The following INPP4B variants were observed in gnomAD, a reference collection of about 807,000 sequenced individuals.
The protein encoded by INPP4B is inositol polyphosphate 4-phosphatase type II.
In INPP4B, 55 loss-of-function variants were observed where a neutral mutation model predicts 122.5. The ratio of observed to expected loss-of-function variants is 0.45; its 90% CI spans 0.36 to 0.56. The LOEUF (loss-of-function observed/expected upper bound fraction) is 0.56, where lower values mean the gene tolerates loss of function less well. Among genes scored for constraint, INPP4B ranks in the 20% least tolerant of loss-of-function variants. INPP4B has a pLI of 0.00. For missense variants in INPP4B, 1,000 were observed against 1,097.7 expected (o/e 0.91, Z 1.26); for synonymous variants, 403 against 388.7 (o/e 1.04, Z -0.43).
intron 9 of INPP4B, among the ~76,000 whole-genome samples, chr4:142,275,808 G>A (rs187439028): frequency 2.6e-5 from 4 of 151,660 alleles, no homozygotes; most frequent in Admixed American, 2.0e-4. Flanking sequence ...TCTCAGTATA[G>A]GCTCACCTTC....
At chr4:142,617,604 T>C (rs1383610510) in intron 2 of INPP4B, among the ~76,000 whole-genome samples, 2 of 152,070 alleles carry the variant, frequency 1.3e-5, no homozygotes, top group African/African-American at 2.4e-5. Context: ...ATTAATTTCA[T>C]AAAGGTTAGC....
chr4:142,264,064 G>A (rs1172147215), intron 10 of INPP4B, among the ~76,000 whole-genome samples: 1 of 152,058 alleles, frequency 6.6e-6, no homozygotes, highest in Non-Finnish European at 1.5e-5. Flanking sequence ...GAAGGGCTTT[G>A]AGTTTATACT....
chr4:142,030,914 C>T (rs1188435439), intron 25 of INPP4B, among the ~76,000 whole-genome samples: 1 of 152,112 alleles, frequency 6.6e-6, no homozygotes, highest in Non-Finnish European at 1.5e-5. Context: ...GTTAGTTCAG[C>T]TCATAAATTA....
chr4:142,831,344 T>C (rs555002188), intron 1 of INPP4B, among the ~76,000 whole-genome samples: 185 of 152,316 alleles, frequency 1.2e-3, no homozygotes, highest in African/African-American at 4.3e-3. Flanking sequence ...CTTTAGTGGC[T>C]CTATTTGACT....
chr4:142,497,101 T>C (rs1822682253), intron 2 of INPP4B, among the ~76,000 whole-genome samples: 1 of 152,170 alleles, frequency 6.6e-6, no homozygotes. Context: ...CTGCATCACA[T>C]TGGCTCTCAT....
Position 142,727,747 on chromosome 4 carries a change from G to A in INPP4B, c.-253-1846C>T, listed in dbSNP as rs191555743. 2.4e-3 allele frequency among the ~76,000 whole-genome samples: 372 copies of A among 152,146 alleles called. 1 individual carries two copies. The highest frequency in any genetic ancestry group is 8.5e-3 in the African/African-American group (354 of 41,522). The stretch of plus-strand genomic sequence containing the variant: ...ACAAAAATTAGCCAGGTGTGGTGGT[G>A]CATACCTGTAGTCCTAGCTATTCGA... On this transcript the variant is annotated intron_variant, in intron 1 of 25. Transcript: ENST00000262992.
intron 2 of INPP4B, among the ~76,000 whole-genome samples, chr4:142,656,558 G>A (rs947268468): frequency 6.6e-6 from 1 of 152,114 alleles, no homozygotes; most frequent in Admixed American, 6.5e-5. Context: ...GGGCTAGGAT[G>A]CATGGCCTAA....
At chr4:142,472,162 T>C (rs1818950262) in intron 2 of INPP4B, among the ~76,000 whole-genome samples, 1 of 152,126 alleles carries the variant, frequency 6.6e-6, no homozygotes, top group Non-Finnish European at 1.5e-5. Flanking sequence ...CTTAAATTCT[T>C]TGGAAAAGTA....
At chr4:142,028,985 A>G in intron 25 of INPP4B, 71 bp from the exon 26 acceptor site, 4 of 1,519,902 alleles carry the variant, frequency 2.6e-6, no homozygotes, top group South Asian at 1.3e-5. Flanking sequence ...TGTTTAATGC[A>G]GAGTTGCAGC....
intron 7 of INPP4B, among the ~76,000 whole-genome samples, chr4:142,368,423 A>G (rs1788402265): frequency 6.6e-6 from 1 of 152,134 alleles, no homozygotes; most frequent in Non-Finnish European, 1.5e-5. Context: ...CAGTCATTAA[A>G]TATTAATAAT....
At chr4:142,146,046 A>T (rs1345903702) in intron 17 of INPP4B, 50 bp from the exon 18 acceptor site, 1 of 1,573,256 alleles carries the variant, frequency 6.4e-7, no homozygotes, top group East Asian at 2.3e-5. Flanking sequence ...AAAACAAGAT[A>T]AGGCAAAGTC....
chr4:142,599,872 C>T (rs1284218042), intron 2 of INPP4B, among the ~76,000 whole-genome samples: 1 of 151,554 alleles, frequency 6.6e-6, no homozygotes, highest in Non-Finnish European at 1.5e-5. Flanking sequence ...TGAAGAATTC[C>T]TTTAATGAAA....
intron 1 of INPP4B, among the ~76,000 whole-genome samples, chr4:142,749,364 TA>T (rs745306532): frequency 4.0e-5 from 6 of 149,708 alleles, no homozygotes; most frequent in Non-Finnish European, 5.9e-5. Context: ...ACGTGTTCTT[TA>T]AAAAACAAAG....
intron 1 of INPP4B, among the ~76,000 whole-genome samples, chr4:142,760,035 T>A (rs77173895): frequency 0.09 from 13,658 of 151,898 alleles, 770 homozygotes; most frequent in African/African-American, 0.16. Flanking sequence ...AAACCAGAAA[T>A]TCTATTTGTT....
At chr4:142,124,505 C>A in intron 19 of INPP4B, 83 bp downstream of exon 19, 2 of 1,248,286 alleles carry the variant, frequency 1.6e-6, no homozygotes, top group Non-Finnish European at 2.3e-6. Flanking sequence ...AAAGCTGTCC[C>A]AATAAGAATT....
chr4:142,573,244 T>C (rs564826916), intron 2 of INPP4B, among the ~76,000 whole-genome samples: 3 of 152,096 alleles, frequency 2.0e-5, no homozygotes, highest in Non-Finnish European at 2.9e-5. Flanking sequence ...ATCCATTCAC[T>C]TCCCACCGGG....
chr4:142,318,082 C>T (rs1044522914), intron 7 of INPP4B, among the ~76,000 whole-genome samples: 6 of 152,154 alleles, frequency 3.9e-5, no homozygotes, highest in Admixed American at 3.3e-4. Flanking sequence ...CCTCTTCATG[C>T]CAGTTGCCTT....
At chr4:142,306,871 T>C (rs140710661) in intron 8 of INPP4B, among the ~76,000 whole-genome samples, 153 of 152,046 alleles carry the variant, frequency 1.0e-3, no homozygotes, top group African/African-American at 3.5e-3. Flanking sequence ...TGAGACCTCA[T>C]TTCTAAAAAA....
At chr4:142,565,639 T>C (rs1245101009) in intron 2 of INPP4B, among the ~76,000 whole-genome samples, 1 of 152,166 alleles carries the variant, frequency 6.6e-6, no homozygotes. Flanking sequence ...ATACTAAAAT[T>C]AGTGGCAAAG....
Sources: allele counts gnomAD v4.1 joint callset (sites outside exome capture counted in the v4.1 genomes callset), GRCh38; gene constraint gnomAD v4.1.1; transcripts MANE v1.5; gene names NCBI Gene and HGNC (gene_info 2026-07-23, HGNC 2026-07-21).